SREBF2: variants seen among roughly 807,000 people sequenced by gnomAD.
The protein encoded by SREBF2 is sterol regulatory element binding transcription factor 2, also known as sterol regulatory element-binding protein 2.
A neutral mutation model predicts 113.1 loss-of-function variants in SREBF2; 55 were observed. That is an observed-to-expected ratio of 0.49 (90% CI 0.39 to 0.61). The LOEUF (loss-of-function observed/expected upper bound fraction) is 0.61, where lower values mean the gene tolerates loss of function less well. Among genes scored for constraint, SREBF2 ranks in the 20% least tolerant of loss-of-function variants. SREBF2 has a pLI of 0.00. For synonymous variants in SREBF2, 593 were observed against 605.7 expected, an observed-to-expected ratio of 0.98 and a Z score of 0.31; for missense variants, 1,349 against 1,487.4, an observed-to-expected ratio of 0.91 and a Z score of 1.53.
chr22:41,857,302 A>G (rs537513795), intron 1 of SREBF2, among the ~76,000 whole-genome samples: 4 of 152,218 alleles, frequency 2.6e-5, no homozygotes, highest in South Asian at 2.1e-4. Flanking sequence ...TGTTCAAACT[A>G]TGAGAGCTGG....
chr22:41,903,824 C>T (rs1405327166), intron 17 of SREBF2, among the ~76,000 whole-genome samples: 1 of 152,308 alleles, frequency 6.6e-6, no homozygotes, highest in South Asian at 2.1e-4. Context: ...TGGGATTCAG[C>T]CCCCACACCC....
At chr22:41,864,257 TATATACACAC>T (rs1411412117) in intron 1 of SREBF2, among the ~76,000 whole-genome samples, 47 of 72,760 alleles carry the variant, frequency 6.5e-4, no homozygotes, top group African/African-American at 2.0e-3. Flanking sequence ...TATATATATA[TATATACACAC>T]ACACACACAC....
intron 16 of SREBF2, chr22:41,901,008 C>G (rs1248912072): frequency 1.9e-6 from 1 of 529,002 alleles, no homozygotes; most frequent in East Asian, 5.5e-5. Context: ...CACAGTGCAT[C>G]ACAGAGGCCT....
At chr22:41,885,648 G>A (rs1378522959) in intron 11 of SREBF2, 2 of 160,828 alleles carry the variant, frequency 1.2e-5, no homozygotes, top group Non-Finnish European at 2.8e-5. Context: ...CCCGGTCCTT[G>A]TTATCAGCTA....
At chr22:41,878,318 C>T (rs1276508604) in intron 9 of SREBF2, among the ~76,000 whole-genome samples, 195 bp downstream of exon 9, 1 of 152,136 alleles carries the variant, frequency 6.6e-6, no homozygotes, top group Non-Finnish European at 1.5e-5. Context: ...TGATCTATGT[C>T]TCCGGTATGA....
chr22:41,859,660 T>C (rs2077007242), intron 1 of SREBF2, among the ~76,000 whole-genome samples: 1 of 151,634 alleles, frequency 6.6e-6, no homozygotes, highest in Non-Finnish European at 1.5e-5. Flanking sequence ...GTGCCAGGCA[T>C]GGTGCCATAG....
Position 41,903,259 on chromosome 22 carries a change from G to A in SREBF2, c.3093+104G>A. The A allele has an allele frequency of 2.1e-6, 3 of 1,402,060 alleles. 1 individual carries two copies. The highest frequency in any genetic ancestry group is 1.9e-6 in the Non-Finnish European group (2 of 1,027,000). The allele number at this position is 1,402,060 out of a possible 1,614,324, so 86.9% of individuals were successfully genotyped here. Reference sequence around the variant, plus strand: ...CATGTGGTTGTGGAGTTGGCCCTCTGAGGTCAGCCTGGTGACCTGTCGAGC... The same window carrying A: ...CATGTGGTTGTGGAGTTGGCCCTCTAAGGTCAGCCTGGTGACCTGTCGAGC... On this transcript the variant is annotated intron_variant, in intron 17 of 18. Transcript: ENST00000361204.
Position 41,875,731 on chromosome 22 carries a change from AC to A in SREBF2, c.1386+8del. On this transcript the variant is annotated splice_region_variant and intron_variant, in intron 7 of 18. Coordinates refer to ENST00000361204, the MANE Select transcript of SREBF2 (RefSeq NM_004599.4). ...TCTATTGGATGATGCAAAGGTACAG[AC>A]TTTTGAAATCTCCTGATCCCTGGAA... The A allele has an allele frequency of 6.2e-7, 1 of 1,614,048 alleles. No homozygotes were observed. The highest frequency in any genetic ancestry group is 1.3e-5 in the African/African-American group (1 of 75,026).
rs542848123 is a variant in SREBF2 at position 41,902,231 on chromosome 22, G to T, written c.2908-739G>T. ...CAACAAGGACTCCTCACTGCTCGGTGTCGTGCAGGTGTGCCACTGCGAGCC... is the reference window on the plus strand; with the variant it reads ...CAACAAGGACTCCTCACTGCTCGGTTTCGTGCAGGTGTGCCACTGCGAGCC... On this transcript the variant is annotated intron_variant, in intron 16 of 18. Coordinates refer to ENST00000361204, the MANE Select transcript of SREBF2 (RefSeq NM_004599.4). Among the ~76,000 whole-genome samples, 2 of 152,350 alleles carry T rather than the reference G, an allele frequency of 1.3e-5. 1 individual carries two copies. The highest frequency in any genetic ancestry group is 4.1e-4 in the South Asian group (2 of 4,832).
At chr22:41,849,608 A>T (rs1214670419) in intron 1 of SREBF2, among the ~76,000 whole-genome samples, 1 of 152,216 alleles carries the variant, frequency 6.6e-6, no homozygotes, top group East Asian at 1.9e-4. Flanking sequence ...TGCGTGTCTT[A>T]AGGGATGTAT....
intron 1 of SREBF2, among the ~76,000 whole-genome samples, chr22:41,850,982 C>G (rs1440925690): frequency 2.0e-5 from 3 of 152,136 alleles, no homozygotes; most frequent in African/African-American, 7.2e-5. Context: ...CTCAAGTGAT[C>G]CGCCCACCTC....
chr22:41,834,315 C>T (rs2076748066), intron 1 of SREBF2: 1 of 147,770 alleles, frequency 6.8e-6, no homozygotes, highest in Admixed American at 6.9e-5. Context: ...GTTTAGGCCC[C>T]AAAATGCTTT....
chr22:41,904,205 C>T (rs1233374310), intron 17 of SREBF2, among the ~76,000 whole-genome samples: 1 of 152,300 alleles, frequency 6.6e-6, no homozygotes, highest in Non-Finnish European at 1.5e-5. Context: ...ATACCATTTC[C>T]ATTCTGCTGC....
intron 1 of SREBF2, among the ~76,000 whole-genome samples, chr22:41,856,201 A>T (rs1221070504): frequency 6.6e-6 from 1 of 151,524 alleles, no homozygotes; most frequent in Admixed American, 6.6e-5. Context: ...AACTCTGCTC[A>T]CTGCAACCTT....
At chr22:41,868,835 G>A (rs368708710) in intron 3 of SREBF2, 43 bp downstream of exon 3, 1 of 1,567,340 alleles carries the variant, frequency 6.4e-7, no homozygotes, top group East Asian at 2.4e-5. Flanking sequence ...GGTTGGGGCT[G>A]TTAACTGGTC....
At chr22:41,879,705 C>T (rs75000669) in intron 9 of SREBF2, among the ~76,000 whole-genome samples, 329 of 152,298 alleles carry the variant, frequency 2.2e-3, no homozygotes, top group African/African-American at 7.6e-3. Flanking sequence ...AGATAGTGTA[C>T]CAGCTGCCCA....
Position 41,906,178 on chromosome 22 carries a change from T to A in SREBF2, c.*518T>A. 5.5e-6 allele frequency: 2 copies of A among 363,012 alleles called. No homozygotes were observed. The highest frequency in any genetic ancestry group is 4.2e-5 in the South Asian group (2 of 48,170). 22.5% of individuals were successfully genotyped at this position (363,012 alleles called of 1,614,324 possible). On this transcript the variant is annotated 3_prime_UTR_variant, in exon 19 of 19. Transcript: ENST00000361204. Reference sequence around the variant, plus strand: ...TGCTGTAGCGTCTTGATTCTCTCCCTGGGTCTGCGTTCCCTCCCCTGGGCC... The same window carrying A: ...TGCTGTAGCGTCTTGATTCTCTCCCAGGGTCTGCGTTCCCTCCCCTGGGCC...
intron 1 of SREBF2, among the ~76,000 whole-genome samples, chr22:41,839,800 T>C (rs1307693607): frequency 6.6e-6 from 1 of 152,186 alleles, no homozygotes; most frequent in African/African-American, 2.4e-5. Flanking sequence ...GTTTCCACTC[T>C]GGCTACATTA....
At chr22:41,849,303 TGCCTCA>T (rs2076905805) in intron 1 of SREBF2, among the ~76,000 whole-genome samples, 3 of 152,270 alleles carry the variant, frequency 2.0e-5, no homozygotes, top group African/African-American at 7.2e-5. Context: ...GCGATTCTCC[TGCCTCA>T]GCCTCCCAAG....
Sources: gnomAD v4.1 joint callset for allele counts (sites outside exome capture counted in the v4.1 genomes callset) on GRCh38, gnomAD v4.1.1 for gene constraint, MANE v1.5 for transcripts, NCBI Gene and HGNC (gene_info 2026-07-23, HGNC 2026-07-21) for gene names.